CCDC77: variants seen among roughly 807,000 people sequenced by gnomAD.
CCDC77 encodes coiled-coil domain containing 77.
A neutral mutation model predicts 66.8 loss-of-function variants in CCDC77; 56 were observed. The observed-to-expected ratio is 0.84, with a 90% CI of 0.68 to 1.05. CCDC77 has a LOEUF of 1.05. CCDC77 is among the 50% of genes least tolerant of loss of function. The probability of loss-of-function intolerance (pLI) is 0.00; values close to 1 mark genes in which losing one functional copy is unlikely to be tolerated. For synonymous variants in CCDC77, 196 were observed against 195.2 expected (o/e 1.00, Z -0.03); for missense variants, 570 against 576.8 (o/e 0.99, Z 0.12).
At chr12:439,964 A>G (rs1398248503) in intron 10 of CCDC77, among the ~76,000 whole-genome samples, 1 of 152,158 alleles carries the variant, frequency 6.6e-6, no homozygotes, top group Non-Finnish European at 1.5e-5. Flanking sequence ...TGCCATACAG[A>G]CCTTGAGGAA....
chr12:429,707 C>A (rs1325144868), intron 6 of CCDC77, among the ~76,000 whole-genome samples: 4 of 152,092 alleles, frequency 2.6e-5, no homozygotes, highest in Admixed American at 2.6e-4. Flanking sequence ...AGTCCGCCCA[C>A]CTTGGCCTGT....
At chr12:391,037 G>A (rs1944745808) in intron 1 of CCDC77, among the ~76,000 whole-genome samples, 1 of 152,216 alleles carries the variant, frequency 6.6e-6, no homozygotes, top group African/African-American at 2.4e-5. Flanking sequence ...CAAGTCATAA[G>A]ACCATCCCAG....
At chr12:407,236 A>G (rs1945011753) in intron 2 of CCDC77, among the ~76,000 whole-genome samples, 2 of 152,250 alleles carry the variant, frequency 1.3e-5, no homozygotes, top group African/African-American at 4.8e-5. Context: ...TGAGCTAGCC[A>G]GTAGGATTTG....
intron 3 of CCDC77, 91 bp from the exon 4 acceptor site, chr12:411,656 T>C: frequency 9.5e-7 from 1 of 1,055,518 alleles, no homozygotes. Flanking sequence ...TATAAGCACT[T>C]TGGGAACACA....
At chr12:439,771 C>T (rs1460644581) in intron 10 of CCDC77, among the ~76,000 whole-genome samples, 1 of 149,878 alleles carries the variant, frequency 6.7e-6, no homozygotes, top group African/African-American at 2.5e-5. Context: ...AGAGCAAGGA[C>T]TCCGTCTCAG....
intron 3 of CCDC77, among the ~76,000 whole-genome samples, chr12:410,826 A>C (rs553716422): frequency 6.6e-6 from 1 of 152,180 alleles, no homozygotes; most frequent in South Asian, 2.1e-4. Context: ...GATTACAGGC[A>C]TGAGCCACTG....
intron 5 of CCDC77, among the ~76,000 whole-genome samples, chr12:428,135 C>A (rs753412735): frequency 2.7e-4 from 41 of 152,140 alleles, no homozygotes; most frequent in Non-Finnish European, 5.0e-4. Flanking sequence ...GCATTCCTGG[C>A]AGTTGGCAGA....
intron 4 of CCDC77, among the ~76,000 whole-genome samples, chr12:416,539 C>T (rs1426983159): frequency 6.7e-6 from 1 of 149,060 alleles, no homozygotes; most frequent in African/African-American, 2.5e-5. Context: ...CTCAGCCTCC[C>T]AAGTAGCTGG....
intron 9 of CCDC77, among the ~76,000 whole-genome samples, chr12:437,336 C>T (rs1038983728): frequency 6.6e-6 from 1 of 152,168 alleles, no homozygotes; most frequent in Non-Finnish European, 1.5e-5. Context: ...TTATCCTTGA[C>T]AATCTCATGG....
At chr12:431,843 A>G (rs1231049667) in intron 7 of CCDC77, 23 bp from the exon 8 acceptor site, 4 of 1,481,544 alleles carry the variant, frequency 2.7e-6, no homozygotes. Flanking sequence ...AATCTTCTTG[A>G]TGGATTTTGT....
chr12:413,594 G>T (rs1945160071), intron 4 of CCDC77, among the ~76,000 whole-genome samples: 2 of 147,064 alleles, frequency 1.4e-5, no homozygotes, highest in Non-Finnish European at 1.5e-5. Context: ...CACACTTCCA[G>T]AATCTTTTGA....
At chr12:407,812 G>A (rs938747143) in intron 2 of CCDC77, among the ~76,000 whole-genome samples, 3 of 113,740 alleles carry the variant, frequency 2.6e-5, no homozygotes, top group African/African-American at 9.7e-5. Context: ...TTTTGAGACG[G>A]AGTCTCGCTC....
intron 7 of CCDC77, among the ~76,000 whole-genome samples, chr12:431,566 CACA>C (rs1945652893): frequency 6.6e-6 from 1 of 152,138 alleles, no homozygotes; most frequent in Non-Finnish European, 1.5e-5. Context: ...AGAAAATAGA[CACA>C]ACTATTTTAG....
chr12:390,621 T>A (rs989474287), intron 1 of CCDC77, among the ~76,000 whole-genome samples: 3 of 152,172 alleles, frequency 2.0e-5, no homozygotes, highest in Non-Finnish European at 1.5e-5. Context: ...CTCTCAGACT[T>A]GAACTGTAGC....
At chr12:429,133 T>C (rs1433721215) in intron 6 of CCDC77, among the ~76,000 whole-genome samples, 1 of 152,188 alleles carries the variant, frequency 6.6e-6, no homozygotes, top group Non-Finnish European at 1.5e-5. Flanking sequence ...AGACTATGTG[T>C]GGGAGCAAGT....
chr12:431,876 A>C lies in CCDC77; in HGVS notation c.594A>C (p.Ile198=). Residue 198 remains isoleucine, a synonymous_variant, in exon 8 of 13, where the codon ATA becomes ATC. Coordinates refer to ENST00000239830, the MANE Select transcript of CCDC77 (RefSeq NM_032358.4). ...ESSAFKADPK[I]SKRRPSRERK... ...TGTTTTCTATTTTAGATCCTAAAAT[A>C]AGCAAAAGAAGACCATCGAGAGAGA... 1 of 1,603,936 alleles carries C rather than the reference A, an allele frequency of 6.2e-7. No homozygotes were observed. Among genetic ancestry groups the C allele is most frequent in the Non-Finnish European group, 8.5e-7 (1 of 1,174,582 alleles).
chr12:425,087 C>T (rs1945502213), intron 5 of CCDC77, among the ~76,000 whole-genome samples: 1 of 151,828 alleles, frequency 6.6e-6, no homozygotes, highest in African/African-American at 2.4e-5. Flanking sequence ...CGAGCCAACA[C>T]ACCTGACTAA....
At chr12:390,867 G>C (rs1944743068) in intron 1 of CCDC77, among the ~76,000 whole-genome samples, 1 of 152,208 alleles carries the variant, frequency 6.6e-6, no homozygotes, top group African/African-American at 2.4e-5. Context: ...TATTGGCTGG[G>C]AAGTCTTAGT....
chr12:416,373 G>GTATATATATATATATA, intron 4 of CCDC77, among the ~76,000 whole-genome samples: 1 of 25,292 alleles, frequency 4.0e-5, no homozygotes, highest in East Asian at 8.3e-4. Flanking sequence ...GTGTGTGTGT[G>GTATATATATATATATA]TGTGTATATA....
Sources: gnomAD v4.1 joint callset for allele counts (sites outside exome capture counted in the v4.1 genomes callset) on GRCh38, gnomAD v4.1.1 for gene constraint, MANE v1.5 for transcripts, NCBI Gene and HGNC (gene_info 2026-07-23, HGNC 2026-07-21) for gene names.